The following PCMT1 variants were observed in gnomAD, a reference collection of about 807,000 sequenced individuals.
PCMT1 encodes protein-L-isoaspartate (D-aspartate) O-methyltransferase, also known as protein-L-isoaspartate(D-aspartate) O-methyltransferase.
Under a neutral mutation model 29.2 loss-of-function variants are expected in PCMT1, and 9 were observed. The ratio of observed to expected loss-of-function variants is 0.31; its 90% CI spans 0.19 to 0.54. PCMT1 has a LOEUF of 0.54. Ranked by LOEUF, PCMT1 falls within the 20% of genes least tolerant of loss-of-function variation. PCMT1 has a pLI of 0.95. For missense variants in PCMT1, 184 were observed against 282.2 expected (o/e 0.65, Z 2.49); for synonymous variants, 98 against 97.5 (o/e 1.00, Z -0.03).
intron 5 of PCMT1, chr6:149,794,723 C>T (rs1010945928): frequency 2.3e-6 from 1 of 439,604 alleles, no homozygotes; most frequent in Non-Finnish European, 4.5e-6. Flanking sequence ...TTGCCTTGGC[C>T]TTTGCCCTGA....
chr6:149,795,605 G>C, intron 5 of PCMT1: 1 of 507,822 alleles, frequency 2.0e-6, no homozygotes, highest in Non-Finnish European at 3.6e-6. Flanking sequence ...AAGTAGCAGA[G>C]GGAATTGGTT....
At chr6:149,805,437 C>CA (rs936232240) in intron 7 of PCMT1, among the ~76,000 whole-genome samples, 1 of 150,372 alleles carries the variant, frequency 6.7e-6, no homozygotes, top group Admixed American at 6.7e-5. Context: ...CCTAAAAATA[C>CA]AAAAAAATTA....
rs568607172 is a variant in PCMT1, at chr6:149,770,482, G to A, written c.56-680G>A. On this transcript the variant is annotated intron_variant, in intron 1 of 7. Transcript: ENST00000464889. The stretch of plus-strand genomic sequence containing the variant: ...CCAGCTTTGGGAGGCTGAGGTGGGT[G>A]GATCATGAGGTCAGGAGATGAAGGC... Among the ~76,000 whole-genome samples, 238 of 152,126 alleles carry A rather than the reference G, an allele frequency of 1.6e-3. 2 individuals are homozygous for A. Among genetic ancestry groups the A allele is most frequent in the Non-Finnish European group, 2.4e-3 (161 of 67,976 alleles).
chr6:149,771,147 C>T lies in PCMT1; in HGVS notation c.56-15C>T, dbSNP rs1208223323. On this transcript the variant is annotated splice_polypyrimidine_tract_variant and intron_variant, in intron 1 of 7. Coordinates refer to ENST00000464889, the MANE Select transcript of PCMT1 (RefSeq NM_001360452.2). ...TGTCTCTCTCTTCTGAAAATATTTG[C>T]CTCACTTGTTTCAGAAAATGGAATC... The T allele has an allele frequency of 1.4e-6, 2 of 1,455,826 alleles. No individual in the cohort carries two copies. The highest frequency in any genetic ancestry group is 1.9e-6 in the Non-Finnish European group (2 of 1,038,978). 90.2% of individuals were successfully genotyped at this position (1,455,826 alleles called of 1,614,324 possible). A position where few individuals can be genotyped will look rare whatever the true frequency, so the allele number is the denominator to read the frequency against.
chr6:149,768,722 G>T (rs1426122004), intron 1 of PCMT1, among the ~76,000 whole-genome samples: 1 of 151,974 alleles, frequency 6.6e-6, no homozygotes, highest in Admixed American at 6.6e-5. Flanking sequence ...CTTCTCCTGG[G>T]TTCAAGCGAT....
intron 1 of PCMT1, among the ~76,000 whole-genome samples, chr6:149,764,261 C>G (rs527400914): frequency 1.3e-4 from 20 of 152,288 alleles, no homozygotes; most frequent in Non-Finnish European, 2.5e-4. Context: ...CTTATTTGCT[C>G]TGTTATCTTG....
chr6:149,767,666 C>G (rs1787147666), intron 1 of PCMT1, among the ~76,000 whole-genome samples: 1 of 151,976 alleles, frequency 6.6e-6, no homozygotes, highest in South Asian at 2.1e-4. Context: ...GTTGCCCAGG[C>G]TGGTCTCGAA....
intron 3 of PCMT1, among the ~76,000 whole-genome samples, chr6:149,776,449 G>A (rs1452212432): frequency 1.3e-5 from 2 of 151,716 alleles, no homozygotes; most frequent in Non-Finnish European, 2.9e-5. Context: ...ATGGGGTTTC[G>A]CCATGTTGGC....
At chr6:149,809,258 C>CAAAAAAAAA (rs1209712068) in intron 7 of PCMT1, among the ~76,000 whole-genome samples, 1 of 47,090 alleles carries the variant, frequency 2.1e-5, no homozygotes, top group African/African-American at 8.4e-5. Context: ...GACTCTGTCT[C>CAAAAAAAAA]AAAAAAAAAA....
At chr6:149,786,752 C>T (rs1351503198) in intron 3 of PCMT1, among the ~76,000 whole-genome samples, 5 of 148,286 alleles carry the variant, frequency 3.4e-5, no homozygotes, top group Admixed American at 2.0e-4. Context: ...ACATCTCAGA[C>T]GATGGGCGGC....
Position 149,749,826 on chromosome 6 carries a change from C to G in PCMT1, c.-76C>G. On this transcript the variant is annotated 5_prime_UTR_variant, in exon 1 of 8. Coordinates refer to ENST00000464889, the MANE Select transcript of PCMT1 (RefSeq NM_001360452.2). The stretch of plus-strand genomic sequence containing the variant: ...GGGCGGTGACGGTGTGGGAGGTGGT[C>G]TCACTCTTGGGAAAACTGCTGGGCA... The G allele has an allele frequency of 1.3e-6, 2 of 1,561,652 alleles. No individual in the cohort carries two copies. Among genetic ancestry groups the G allele is most frequent in the Middle Eastern group, 1.7e-4 (1 of 5,998 alleles).
At chr6:149,771,337 C>A in intron 2 of PCMT1, 71 bp downstream of exon 2, 1 of 905,120 alleles carries the variant, frequency 1.1e-6, no homozygotes, top group Non-Finnish European at 1.7e-6. Context: ...GTAGAAAAAG[C>A]CTGGGACACA....
At chr6:149,773,889 T>A (rs1267000589) in intron 3 of PCMT1, among the ~76,000 whole-genome samples, 1 of 152,224 alleles carries the variant, frequency 6.6e-6, no homozygotes, top group Non-Finnish European at 1.5e-5. Context: ...AGGGAGTGGT[T>A]AAGTATAAGA....
intron 7 of PCMT1, among the ~76,000 whole-genome samples, chr6:149,809,258 C>CAAAAAAAAAAAAAA (rs1209712068): frequency 6.4e-5 from 3 of 47,090 alleles, no homozygotes; most frequent in African/African-American, 8.4e-5. Flanking sequence ...GACTCTGTCT[C>CAAAAAAAAAAAAAA]AAAAAAAAAA....
At chr6:149,774,016 C>CT (rs1296000583) in intron 3 of PCMT1, among the ~76,000 whole-genome samples, 8 of 151,970 alleles carry the variant, frequency 5.3e-5, no homozygotes, top group Admixed American at 4.6e-4. Context: ...GAGACAACTT[C>CT]TTACCTTGTC....
Position 149,785,249 on chromosome 6 carries a change from G to C in PCMT1, c.193-4705G>C, listed in dbSNP as rs935675231. On this transcript the variant is annotated intron_variant, in intron 3 of 7. Coordinates refer to ENST00000464889, the MANE Select transcript of PCMT1 (RefSeq NM_001360452.2). ...CATATCAGGAGGTCCATAATGTCTG[G>C]TCATCCACTTTTAGTGACTGGAATA... Among the ~76,000 whole-genome samples, 31 of 110,906 alleles carry C rather than the reference G, an allele frequency of 2.8e-4. 1 individual carries two copies. Among genetic ancestry groups the C allele is most frequent in the Middle Eastern group, 4.0e-3 (1 of 252 alleles). The allele number at this position is 110,906 out of a possible 152,430, so 72.8% of individuals were successfully genotyped here. A position where few individuals can be genotyped will look rare whatever the true frequency, so the allele number is the denominator to read the frequency against.
rs961995793 is a variant in PCMT1, at chr6:149,803,524, C to A, written c.*37+1108C>A. On this transcript the variant is annotated intron_variant, in intron 7 of 7. Transcript: ENST00000464889. Reference sequence around the variant, plus strand: ...GAAGCCAAGATTTCTCTTTTCCTCCCCTTCCCACTCCCTTCCATGAGAGAG... The same window carrying A: ...GAAGCCAAGATTTCTCTTTTCCTCCACTTCCCACTCCCTTCCATGAGAGAG... Among the ~76,000 whole-genome samples, 7 of 148,354 alleles carry A rather than the reference C, an allele frequency of 4.7e-5. No homozygotes were observed. In the South Asian group the frequency reaches 1.5e-3, roughly 31 times the overall value.
intron 3 of PCMT1, 33 bp downstream of exon 3, chr6:149,773,202 G>T: frequency 6.5e-7 from 1 of 1,541,440 alleles, no homozygotes; most frequent in Non-Finnish European, 8.9e-7. Context: ...GTTACAAATG[G>T]ATTACATTTT....
At chr6:149,772,834 G>A (rs948138014) in intron 2 of PCMT1, 3 of 341,130 alleles carry the variant, frequency 8.8e-6, no homozygotes, top group African/African-American at 2.2e-5. Flanking sequence ...TGGCTAACGC[G>A]GTGAAACCCC....
Sources: gnomAD v4.1 joint callset for allele counts (sites outside exome capture counted in the v4.1 genomes callset) on GRCh38, gnomAD v4.1.1 for gene constraint, MANE v1.5 for transcripts, NCBI Gene and HGNC (gene_info 2026-07-23, HGNC 2026-07-21) for gene names.